HDLBP: variants seen among roughly 807,000 people sequenced by gnomAD.
HDLBP encodes the protein vigilin.
A neutral mutation model predicts 137.3 loss-of-function variants in HDLBP; 30 were observed. The ratio of observed to expected loss-of-function variants is 0.22; its 90% CI spans 0.16 to 0.30. The LOEUF is 0.30. Ranked by LOEUF, HDLBP falls within the 10% of genes least tolerant of loss-of-function variation. The pLI is 1.00. For missense variants in HDLBP, 1,119 were observed against 1,667.3 expected, an observed-to-expected ratio of 0.67 and a Z score of 5.73; for synonymous variants, 606 against 596.0, an observed-to-expected ratio of 1.02 and a Z score of -0.24.
chr2:241,273,855 T>TG (rs1004866683), intron 1 of HDLBP, among the ~76,000 whole-genome samples: 2 of 150,300 alleles, frequency 1.3e-5, no homozygotes, highest in African/African-American at 2.5e-5. Context: ...CAGACGTGTT[T>TG]TTTTTTTTTT....
At position 241,235,140 on chromosome 2, in the gene HDLBP, T is replaced by C. The variant is rs1386871698; in HGVS notation, c.3125A>G (p.Gln1042Arg). Residue 1042 changes from glutamine to arginine, a missense_variant, in exon 23 of 28, where the codon CAG becomes CGG. Physicochemically the swap from Gln to Arg is conservative, Grantham distance 43. This residue lies in a region of HDLBP where 618 missense variants were observed against 816.7 expected (regional missense o/e 0.76). Coordinates refer to ENST00000310931, the MANE Select transcript of HDLBP (RefSeq NM_005336.6). ...GCTCACCCGGTCCTCCTGCTCGGCC[T>C]GTAGCTCCTTCACACGCTCCAGCAG... ...AGLLERVKEL[Q>R]AEQEDRALRS... 7 of 1,613,638 alleles carry C rather than the reference T, an allele frequency of 4.3e-6. No homozygotes were observed. Among genetic ancestry groups the C allele is most frequent in the African/African-American group, 1.3e-5 (1 of 74,924 alleles).
chr2:241,242,996 T>C (rs978513058), intron 16 of HDLBP, among the ~76,000 whole-genome samples: 2 of 152,180 alleles, frequency 1.3e-5, no homozygotes, highest in Admixed American at 6.5e-5. Flanking sequence ...CCACACATAA[T>C]GCTCTATTTC....
At chr2:241,268,440 C>G (rs532005082) in intron 2 of HDLBP, 37 bp downstream of exon 2, 1 of 985,684 alleles carries the variant, frequency 1.0e-6, no homozygotes, top group East Asian at 1.1e-4. Flanking sequence ...CACACACAGC[C>G]CAGGGACAGG....
chr2:241,258,373 A>T (rs1371179234), intron 5 of HDLBP, among the ~76,000 whole-genome samples: 1 of 143,670 alleles, frequency 7.0e-6, no homozygotes, highest in Non-Finnish European at 1.5e-5. Context: ...AAAAAAAAAA[A>T]ATTAGCTGGC....
intron 17 of HDLBP, 91 bp downstream of exon 17, chr2:241,242,369 G>A (rs2071326239): frequency 9.4e-7 from 1 of 1,066,464 alleles, no homozygotes. Context: ...CACAAAGGAA[G>A]GGCATTCAGG....
intron 3 of HDLBP, 65 bp downstream of exon 3, chr2:241,266,729 G>A: frequency 9.2e-7 from 1 of 1,083,304 alleles, no homozygotes; most frequent in Non-Finnish European, 1.4e-6. Flanking sequence ...ATGGGATTTG[G>A]TAAAGGCTTT....
rs1574975619 is a variant in HDLBP, at chr2:241,267,768, T to C, written c.-38+709A>G. The stretch of plus-strand genomic sequence containing the variant: ...TAGCAACAGTAACAGACCCACAAAT[T>C]GCGCTAAATGCCCTTGATCCACACT... On this transcript the variant is annotated intron_variant, in intron 2 of 27. Coordinates refer to ENST00000310931, the MANE Select transcript of HDLBP (RefSeq NM_005336.6). The C allele has an allele frequency of 3.3e-6, 5 of 1,511,224 alleles. No homozygotes were observed. In the South Asian group the frequency reaches 3.7e-5, roughly 11 times the overall value. The allele number at this position is 1,511,224 out of a possible 1,614,324, so 93.6% of individuals were successfully genotyped here.
intron 1 of HDLBP, among the ~76,000 whole-genome samples, chr2:241,278,732 CTG>C (rs2074489287): frequency 6.6e-6 from 1 of 152,192 alleles, no homozygotes; most frequent in African/African-American, 2.4e-5. Flanking sequence ...GACAATATAA[CTG>C]TGCTGGAAGA....
At chr2:241,231,134 C>T in intron 24 of HDLBP, 190 bp from the exon 25 acceptor site, 1 of 560,910 alleles carries the variant, frequency 1.8e-6, no homozygotes, top group Non-Finnish European at 3.2e-6. Flanking sequence ...CCTGTAATCC[C>T]AGCACTTTGG....
At chr2:241,260,655 T>A (rs1223892498) in intron 5 of HDLBP, among the ~76,000 whole-genome samples, 1 of 152,228 alleles carries the variant, frequency 6.6e-6, no homozygotes, top group Non-Finnish European at 1.5e-5. Flanking sequence ...CACAAAGCAC[T>A]GATAGGGAAC....
chr2:241,229,701 G>C lies in HDLBP; in HGVS notation c.3721-14C>G. 1 of 1,613,752 alleles carries C rather than the reference G, an allele frequency of 6.2e-7. No individual in the cohort carries two copies. Among genetic ancestry groups the C allele is most frequent in the Non-Finnish European group, 8.5e-7 (1 of 1,179,688 alleles). ...CATGTCAGGAGCCTGTGCAGAGAGAGGACACGGCTTCAGGAGGGGATGCTC... is the reference window on the plus strand; with the variant it reads ...CATGTCAGGAGCCTGTGCAGAGAGACGACACGGCTTCAGGAGGGGATGCTC... On this transcript the variant is annotated splice_polypyrimidine_tract_variant and intron_variant, in intron 27 of 27. Transcript: ENST00000310931.
Position 241,264,691 on chromosome 2 carries a change from A to G in HDLBP, c.77-86T>C. 6.3e-6 allele frequency: 8 copies of G among 1,271,060 alleles called. No homozygotes were observed. The East Asian group carries it at 1.2e-4, about 19-fold the overall frequency. The allele number at this position is 1,271,060 out of a possible 1,614,324, so 78.7% of individuals were successfully genotyped here. ...TTTAAGGGTTTTAGTGCTTAAAAAC[A>G]GACAAACAAGAACCATCAAATGCTC... On this transcript the variant is annotated intron_variant, in intron 3 of 27. Transcript: ENST00000310931.
intron 21 of HDLBP, 52 bp downstream of exon 21, chr2:241,236,563 G>A (rs2070486409): frequency 2.5e-6 from 4 of 1,588,520 alleles, no homozygotes; most frequent in East Asian, 2.2e-5. Flanking sequence ...CTCCCCAGGT[G>A]CCTGCTGACT....
rs1377753507 is a variant in HDLBP at position 241,228,474 on chromosome 2, T to C, written c.*1127A>G. 6.6e-6 allele frequency: 1 copy of C among 152,394 alleles called. No individual in the cohort carries two copies. The allele number at this position is 152,394 out of a possible 1,614,324, so 9.4% of individuals were successfully genotyped here. A position where few individuals can be genotyped will look rare whatever the true frequency, so the allele number is the denominator to read the frequency against. On this transcript the variant is annotated 3_prime_UTR_variant, in exon 28 of 28. Coordinates refer to ENST00000310931, the MANE Select transcript of HDLBP (RefSeq NM_005336.6). The stretch of plus-strand genomic sequence containing the variant: ...CTAGGGGCTGGCCTGCACAGCCGGA[T>C]GGCCTGTGGGCGGGGTGGAAGTGCC...
At position 241,272,694 on chromosome 2, in the gene HDLBP, G is replaced by A. The variant is rs949662573; in HGVS notation, c.-102-4153C>T. On this transcript the variant is annotated intron_variant, in intron 1 of 27. Transcript: ENST00000310931. The surrounding 1 kb of genome is among the most constrained non-coding windows in gnomAD (Gnocchi z 5.6). ...GTCAGCAGCCACCCCCCACCCCCCC[G>A]CCCGGCAGCCCGCCCGCCCCGTCCG... 3.1e-5 allele frequency: 16 copies of A among 515,148 alleles called. No individual in the cohort carries two copies. Among genetic ancestry groups the A allele is most frequent in the Non-Finnish European group, 3.4e-5 (16 of 467,028 alleles). The allele number at this position is 515,148 out of a possible 1,614,324, so 31.9% of individuals were successfully genotyped here.
chr2:241,237,698 C>T (rs2070718570), intron 20 of HDLBP, among the ~76,000 whole-genome samples: 1 of 150,708 alleles, frequency 6.6e-6, no homozygotes, highest in South Asian at 2.1e-4. Flanking sequence ...AATAAAGGGA[C>T]ATGTCTAAAA....
At position 241,233,061 on chromosome 2, in the gene HDLBP, C is replaced by T. The variant is rs952771610; in HGVS notation, c.3288+759G>A. Among the ~76,000 whole-genome samples, 1 of 151,838 alleles carries T rather than the reference C, an allele frequency of 6.6e-6. No homozygotes were observed. Among genetic ancestry groups the T allele is most frequent in the Non-Finnish European group, 1.5e-5 (1 of 67,860 alleles). ...AGTGGGAGCGAGGGGCGTGGAGGGGCTCTGCTGCCAGGGGGTTTGCTGTTT... is the reference window on the plus strand; with the variant it reads ...AGTGGGAGCGAGGGGCGTGGAGGGGTTCTGCTGCCAGGGGGTTTGCTGTTT... On this transcript the variant is annotated intron_variant, in intron 24 of 27. Transcript: ENST00000310931. The surrounding 1 kb of genome is among the most constrained non-coding windows in gnomAD (Gnocchi z 4.3).
At chr2:241,243,134 G>C (rs555675593) in intron 16 of HDLBP, among the ~76,000 whole-genome samples, 3 of 152,116 alleles carry the variant, frequency 2.0e-5, no homozygotes, top group Non-Finnish European at 4.4e-5. Flanking sequence ...TGAACTTACC[G>C]CCTAATGGTG....
chr2:241,235,332 A>G, intron 22 of HDLBP, 77 bp from the exon 23 acceptor site: 5 of 1,594,268 alleles, frequency 3.1e-6, no homozygotes, highest in Non-Finnish European at 4.3e-6. Context: ...GGGACCCAGA[A>G]GTGGTGAGAG....
Sources: allele counts gnomAD v4.1 joint callset (sites outside exome capture counted in the v4.1 genomes callset), GRCh38; gene constraint gnomAD v4.1.1; regional missense constraint gnomAD v4.1.1; non-coding constraint Gnocchi (gnomAD v3.1); transcripts MANE v1.5; gene names NCBI Gene and HGNC (gene_info 2026-07-23, HGNC 2026-07-21).